Variants in DAB1 observed in about 807,000 individuals in gnomAD.
The protein encoded by DAB1 is DAB adaptor protein 1, also known as disabled homolog 1.
In DAB1, 15 loss-of-function variants were observed where a neutral mutation model predicts 64.6. The observed-to-expected ratio is 0.23, with a 90% CI of 0.16 to 0.36. The LOEUF is 0.36. Among genes scored for constraint, DAB1 ranks in the 10% least tolerant of loss-of-function variants. The probability of loss-of-function intolerance (pLI) is 1.00; values close to 1 mark genes in which losing one functional copy is unlikely to be tolerated. For synonymous variants in DAB1, 235 were observed against 251.9 expected (o/e 0.93, Z 0.64); for missense variants, 596 against 706.7 (o/e 0.84, Z 1.78).
At chr1:58,261,392 G>C (rs1315549190) in intron 4 of DAB1, among the ~76,000 whole-genome samples, 3 of 152,152 alleles carry the variant, frequency 2.0e-5, no homozygotes, top group Non-Finnish European at 4.4e-5. Context: ...AAGCCCACCA[G>C]TCCAAGGCAT....
chr1:57,313,805 T>C (rs1445922960), intron 1 of DAB1, among the ~76,000 whole-genome samples: 1 of 152,172 alleles, frequency 6.6e-6, no homozygotes, highest in Non-Finnish European at 1.5e-5. Context: ...ATCCCTAGGA[T>C]GATGGAATTT....
At chr1:57,094,652 G>A (rs147335075) in intron 4 of DAB1, among the ~76,000 whole-genome samples, 9 of 152,278 alleles carry the variant, frequency 5.9e-5, no homozygotes, top group African/African-American at 1.9e-4. Context: ...AAATTATTTT[G>A]TGTATTTTTC....
At chr1:58,127,676 A>G (rs937679885) in intron 5 of DAB1, among the ~76,000 whole-genome samples, 1 of 152,202 alleles carries the variant, frequency 6.6e-6, no homozygotes, top group African/African-American at 2.4e-5. Context: ...CTTTCTACAT[A>G]TGGCTAGCCA....
chr1:57,923,091 G>T (rs1262686306), intron 5 of DAB1, among the ~76,000 whole-genome samples: 1 of 151,278 alleles, frequency 6.6e-6, no homozygotes, highest in East Asian at 2.0e-4. Flanking sequence ...TGAAACCCTA[G>T]AATAACCCCA....
intron 1 of DAB1, among the ~76,000 whole-genome samples, chr1:57,345,919 T>C (rs1456442937): frequency 6.6e-6 from 1 of 152,186 alleles, no homozygotes; most frequent in Non-Finnish European, 1.5e-5. Flanking sequence ...GAAGAAGGAA[T>C]TAACAGGTGT....
intron 1 of DAB1, among the ~76,000 whole-genome samples, chr1:57,345,776 C>T (rs940470346): frequency 1.2e-4 from 19 of 152,178 alleles, no homozygotes; most frequent in African/African-American, 2.7e-4. Flanking sequence ...TCCTGTTTCA[C>T]GGCCCTGCAA....
chr1:57,289,036 A>T (rs988829382), intron 2 of DAB1, among the ~76,000 whole-genome samples: 13 of 152,164 alleles, frequency 8.5e-5, no homozygotes, highest in African/African-American at 3.1e-4. Context: ...AGCTCTGCCT[A>T]CCCAAATCCC....
chr1:57,801,907 C>T (rs914411702), intron 6 of DAB1, among the ~76,000 whole-genome samples: 1 of 152,198 alleles, frequency 6.6e-6, no homozygotes, highest in African/African-American at 2.4e-5. Context: ...ATCCAACCGC[C>T]TTGGCTCCCC....
At chr1:57,996,697 A>C (rs1273440765) in intron 5 of DAB1, among the ~76,000 whole-genome samples, 2 of 152,196 alleles carry the variant, frequency 1.3e-5, no homozygotes, top group Admixed American at 1.3e-4. Flanking sequence ...AGCTCTGCAT[A>C]GATGTCAGAC....
rs563525916 is a variant in DAB1 at position 57,057,258 on chromosome 1, A to G, written c.723+5626T>C. Among the ~76,000 whole-genome samples the G allele has an allele frequency of 1.7e-3, 253 of 152,344 alleles. 2 individuals are homozygous for G. Among genetic ancestry groups the G allele is most frequent in the Non-Finnish European group, 2.9e-3 (196 of 68,036 alleles). The stretch of plus-strand genomic sequence containing the variant: ...GTATTTTATATTTCAACAGTTGATT[A>G]TCGTTCATTCAGTTCAGTAGTGATT... On this transcript the variant is annotated intron_variant, in intron 9 of 14. Transcript: ENST00000371236.
At chr1:58,393,310 A>G (rs1470907261) in intron 3 of DAB1, among the ~76,000 whole-genome samples, 3 of 152,150 alleles carry the variant, frequency 2.0e-5, no homozygotes, top group Non-Finnish European at 4.4e-5. Flanking sequence ...GTTAATGCCC[A>G]AAGAGTACTA....
At chr1:58,282,442 T>G (rs1569599073) in intron 4 of DAB1, among the ~76,000 whole-genome samples, 1 of 152,194 alleles carries the variant, frequency 6.6e-6, no homozygotes, top group South Asian at 2.1e-4. Context: ...TGCCCTCTCA[T>G]TTTCATAGTG....
chr1:57,480,039 C>T (rs1319774559), intron 7 of DAB1, among the ~76,000 whole-genome samples: 1 of 151,418 alleles, frequency 6.6e-6, no homozygotes, highest in Admixed American at 6.6e-5. Flanking sequence ...GTAGTCCCAG[C>T]TACACGGGAG....
At chr1:57,878,990 G>T (rs1402207903) in intron 1 of DAB1, among the ~76,000 whole-genome samples, 2 of 152,104 alleles carry the variant, frequency 1.3e-5, no homozygotes, top group African/African-American at 4.8e-5. Context: ...CCATTTTCCT[G>T]TGAATGACAG....
chr1:58,426,022 G>A (rs1200921757), intron 3 of DAB1, among the ~76,000 whole-genome samples: 1 of 152,222 alleles, frequency 6.6e-6, no homozygotes, highest in Non-Finnish European at 1.5e-5. Flanking sequence ...CTTACAGGGA[G>A]TGGAAAGGGT....
chr1:57,002,374 A>G (rs145897606), intron 14 of DAB1, among the ~76,000 whole-genome samples: 1 of 152,236 alleles, frequency 6.6e-6, no homozygotes, highest in South Asian at 2.1e-4. Context: ...GCAATGAGGC[A>G]TCTCTGAAAG....
At position 58,368,563 on chromosome 1, in the gene DAB1, T is replaced by C. The variant is rs932664630; in HGVS notation, n.258-25160A>G. On this transcript the variant is annotated intron_variant and non_coding_transcript_variant, in intron 3 of 20. Coordinates refer to the DAB1 transcript ENST00000485760. ...CTGTTAGAGTATTTTTAATTGTTTG[T>C]TTTTGCTCATTCATTTGTATTTAGA... Among the ~76,000 whole-genome samples, 86 of 152,178 alleles carry C rather than the reference T, an allele frequency of 5.7e-4. 1 individual carries two copies. Among genetic ancestry groups the C allele is most frequent in the Non-Finnish European group, 7.8e-4 (53 of 68,034 alleles).
At position 57,058,650 on chromosome 1, in the gene DAB1, T is replaced by C. The variant is rs1650073536; in HGVS notation, c.723+4234A>G. The stretch of plus-strand genomic sequence containing the variant: ...TTGCTAATGTACACTGAGTGATCAC[T>C]GTTATTAATCTAAACTCTCAGAACT... On this transcript the variant is annotated intron_variant, in intron 9 of 14. Transcript: ENST00000371236. Among the ~76,000 whole-genome samples, 4 of 152,222 alleles carry C rather than the reference T, an allele frequency of 2.6e-5. No homozygotes were observed. The South Asian group carries it at 8.3e-4, about 32-fold the overall frequency.
intron 4 of DAB1, among the ~76,000 whole-genome samples, chr1:58,169,789 G>T (rs1263570049): frequency 6.6e-6 from 1 of 152,068 alleles, no homozygotes; most frequent in Non-Finnish European, 1.5e-5. Context: ...AACAAGCAAA[G>T]AAATCTCCAA....
Sources: allele counts gnomAD v4.1 joint callset (sites outside exome capture counted in the v4.1 genomes callset), GRCh38; gene constraint gnomAD v4.1.1; transcripts MANE v1.5; gene names NCBI Gene and HGNC (gene_info 2026-07-23, HGNC 2026-07-21).